The following METAP1D variants were observed in gnomAD, a reference collection of about 807,000 sequenced individuals.
METAP1D encodes methionyl aminopeptidase type 1D, mitochondrial.
Under a neutral mutation model 40.5 loss-of-function variants are expected in METAP1D, and 31 were observed. The observed-to-expected ratio is 0.77, with a 90% CI of 0.58 to 1.03. The LOEUF (loss-of-function observed/expected upper bound fraction) is 1.03, where lower values mean the gene tolerates loss of function less well. Ranked by LOEUF, METAP1D falls within the 50% of genes least tolerant of loss-of-function variation. The pLI, the probability that METAP1D is intolerant of heterozygous loss-of-function variation, is 0.00. For synonymous variants in METAP1D, 151 were observed against 146.4 expected (o/e 1.03, Z -0.22); for missense variants, 411 against 420.7 (o/e 0.98, Z 0.20).
chr2:172,070,804 G>A, intron 5 of METAP1D, 103 bp from the exon 6 acceptor site: 1 of 873,902 alleles, frequency 1.1e-6, no homozygotes, highest in Non-Finnish European at 1.6e-6. Flanking sequence ...ATTCTGGAAG[G>A]GTAAAACATG....
intron 1 of METAP1D, among the ~76,000 whole-genome samples, chr2:172,003,966 A>G (rs1381437757): frequency 1.3e-5 from 2 of 152,068 alleles, no homozygotes; most frequent in Non-Finnish European, 2.9e-5. Context: ...GGGTTTTGCC[A>G]TGTTGGCCAG....
intron 1 of METAP1D, among the ~76,000 whole-genome samples, chr2:172,016,300 AATATAT>A (rs1188835723): frequency 3.1e-3 from 124 of 40,022 alleles, no homozygotes; most frequent in East Asian, 0.023. Context: ...AAAAAAAAAA[AATATAT>A]ATATATATAT....
At chr2:172,016,332 A>ATATATATAT (rs1558995296) in intron 1 of METAP1D, among the ~76,000 whole-genome samples, 4 of 88,004 alleles carry the variant, frequency 4.5e-5, no homozygotes, top group Non-Finnish European at 9.9e-5. Flanking sequence ...TATATATATA[A>ATATATATAT]ATAGTCCAGG....
chr2:172,042,227 A>G (rs539565366), intron 1 of METAP1D, among the ~76,000 whole-genome samples: 111 of 5,188 alleles, frequency 0.021, 18 homozygotes, highest in African/African-American at 0.032. Context: ...ACATGTGTAC[A>G]CATATACATA....
intron 1 of METAP1D, among the ~76,000 whole-genome samples, chr2:172,002,734 C>T (rs1311287777): frequency 6.6e-6 from 1 of 152,150 alleles, no homozygotes; most frequent in African/African-American, 2.4e-5. Context: ...CACGAAGACT[C>T]CTCTCTCCAC....
intron 1 of METAP1D, among the ~76,000 whole-genome samples, chr2:172,002,086 T>C (rs1323138682): frequency 6.6e-6 from 1 of 151,920 alleles, no homozygotes; most frequent in Non-Finnish European, 1.5e-5. Context: ...GTCCAAACTT[T>C]CTTTACTAAT....
At chr2:172,041,726 T>TATATATATATATATA (rs1553493427) in intron 1 of METAP1D, among the ~76,000 whole-genome samples, 3 of 37,570 alleles carry the variant, frequency 8.0e-5, no homozygotes, top group Non-Finnish European at 1.3e-4. Flanking sequence ...TCTAATTATT[T>TATATATATATATATA]TATATATATA....
At chr2:172,072,893 C>T (rs1690456886) in intron 6 of METAP1D, among the ~76,000 whole-genome samples, 1 of 152,154 alleles carries the variant, frequency 6.6e-6, no homozygotes, top group Non-Finnish European at 1.5e-5. Flanking sequence ...ACACCATCTA[C>T]ACAGAGGAAC....
rs1369170337 is a variant in METAP1D, at chr2:172,079,272, GCTC to G, written c.850+14_850+16del. ...ATGGCATTCACTATAGGTAAATTGAGCTCCTCTTCCGAGTGAGTGCGTAGCTCC... is the reference window on the plus strand; with the variant it reads ...ATGGCATTCACTATAGGTAAATTGAGCTCTTCCGAGTGAGTGCGTAGCTCC... On this transcript the variant is annotated intron_variant, in intron 8 of 9. Coordinates refer to ENST00000315796, the MANE Select transcript of METAP1D (RefSeq NM_199227.3). The G allele has an allele frequency of 8.7e-6, 14 of 1,613,920 alleles. No individual in the cohort carries two copies. The highest frequency in any genetic ancestry group is 1.2e-5 in the Non-Finnish European group (14 of 1,179,978).
At chr2:172,054,569 T>C (rs548172559) in intron 1 of METAP1D, among the ~76,000 whole-genome samples, 11 of 148,016 alleles carry the variant, frequency 7.4e-5, no homozygotes, top group South Asian at 6.4e-4. Context: ...CCCTCCATCA[T>C]ACTTGAATTC....
chr2:172,038,940 A>T (rs1374188846), intron 1 of METAP1D, among the ~76,000 whole-genome samples: 1 of 152,234 alleles, frequency 6.6e-6, no homozygotes, highest in African/African-American at 2.4e-5. Flanking sequence ...TAGTCACGCC[A>T]ATGGAGTTGG....
At chr2:172,004,785 A>G (rs1032921304) in intron 1 of METAP1D, among the ~76,000 whole-genome samples, 7 of 152,228 alleles carry the variant, frequency 4.6e-5, no homozygotes, top group African/African-American at 1.7e-4. Flanking sequence ...TAACAAATAC[A>G]TTCCAATTCT....
intron 1 of METAP1D, among the ~76,000 whole-genome samples, chr2:172,011,149 T>C (rs1268383847): frequency 5.3e-5 from 8 of 152,136 alleles, no homozygotes; most frequent in Admixed American, 5.2e-4. Context: ...TTTTAGTATA[T>C]TCAAAGAGTT....
At chr2:172,032,984 G>A (rs867121075) in intron 1 of METAP1D, among the ~76,000 whole-genome samples, 13 of 151,962 alleles carry the variant, frequency 8.6e-5, no homozygotes, top group Admixed American at 7.2e-4. Context: ...GCGTGAACCC[G>A]GGAGGTGGAG....
chr2:172,080,610 G>C lies in METAP1D; in HGVS notation c.*204G>C. On this transcript the variant is annotated 3_prime_UTR_variant, in exon 10 of 10. Coordinates refer to ENST00000315796, the MANE Select transcript of METAP1D (RefSeq NM_199227.3). ...GCCCTGCTGGGGTCGCGCGGCTTTG[G>C]AAAAACAAATCCTGGCCCTGGACTC... is the stretch of plus-strand genomic sequence containing the variant. 1 of 620,404 alleles carries C rather than the reference G, an allele frequency of 1.6e-6. No individual in the cohort carries two copies. The highest frequency in any genetic ancestry group is 2.8e-6 in the Non-Finnish European group (1 of 354,218). 38.4% of individuals were successfully genotyped at this position (620,404 alleles called of 1,614,324 possible).
At chr2:172,037,315 G>T (rs1689419730) in intron 1 of METAP1D, among the ~76,000 whole-genome samples, 1 of 151,822 alleles carries the variant, frequency 6.6e-6, no homozygotes, top group Non-Finnish European at 1.5e-5. Flanking sequence ...GTGTGTGTGT[G>T]TGAATATTTC....
Position 172,082,347 on chromosome 2 carries a change from C to A in METAP1D, c.*1941C>A, listed in dbSNP as rs1231682331. On this transcript the variant is annotated 3_prime_UTR_variant, in exon 10 of 10. Transcript: ENST00000315796. ...GACTTTACTAACCACTGAGGTAACA[C>A]GCTGCTTGTGCAGCAATTATTTTGA... 6.6e-6 allele frequency: 1 copy of A among 152,204 alleles called. No individual in the cohort carries two copies. The highest frequency in any genetic ancestry group is 1.5e-5 in the Non-Finnish European group (1 of 68,040). The allele number at this position is 152,204 out of a possible 1,614,324, so 9.4% of individuals were successfully genotyped here.
chr2:172,003,188 T>A (rs991135287), intron 1 of METAP1D, among the ~76,000 whole-genome samples: 8 of 152,112 alleles, frequency 5.3e-5, no homozygotes, highest in Non-Finnish European at 1.2e-4. Context: ...AAAAGACAGA[T>A]CAGCCTCTTG....
chr2:172,023,417 C>G (rs1689050462), intron 1 of METAP1D, among the ~76,000 whole-genome samples: 1 of 152,110 alleles, frequency 6.6e-6, no homozygotes, highest in South Asian at 2.1e-4. Context: ...GATTTCAATC[C>G]CTGACCTCAC....
Sources: gnomAD v4.1 joint callset for allele counts (sites outside exome capture counted in the v4.1 genomes callset) on GRCh38, gnomAD v4.1.1 for gene constraint, MANE v1.5 for transcripts, NCBI Gene and HGNC (gene_info 2026-07-23, HGNC 2026-07-21) for gene names.